Variants in LRRC4C observed in about 807,000 individuals in gnomAD.
LRRC4C encodes the protein leucine-rich repeat-containing protein 4C.
LRRC4C carries 5 observed loss-of-function variants against 33.6 expected under a neutral mutation model. The ratio of observed to expected loss-of-function variants is 0.15; its 90% CI spans 0.08 to 0.31. The LOEUF is 0.31. Ranked by LOEUF, LRRC4C falls within the 10% of genes least tolerant of loss-of-function variation. The pLI is 1.00. For missense variants in LRRC4C, 560 were observed against 796.7 expected (o/e 0.70, Z 3.58); for synonymous variants, 329 against 302.0 (o/e 1.09, Z -0.93).
intron 2 of LRRC4C, among the ~76,000 whole-genome samples, chr11:40,801,580 C>T (rs1951044033): frequency 6.6e-6 from 1 of 152,148 alleles, no homozygotes; most frequent in South Asian, 2.1e-4. Context: ...TGTGCTCAAA[C>T]AACATTTGTT....
At chr11:40,953,640 T>C (rs1452805948) in intron 1 of LRRC4C, among the ~76,000 whole-genome samples, 2 of 151,834 alleles carry the variant, frequency 1.3e-5, no homozygotes, top group African/African-American at 2.4e-5. Flanking sequence ...AATACTTAAA[T>C]GATGTTCATT....
At chr11:40,277,349 A>G (rs1339323383) in intron 4 of LRRC4C, among the ~76,000 whole-genome samples, 1 of 152,110 alleles carries the variant, frequency 6.6e-6, no homozygotes, top group African/African-American at 2.4e-5. Context: ...GTGATGCATA[A>G]AAAGTTTTAC....
chr11:40,251,291 G>T (rs1295727907), intron 4 of LRRC4C, among the ~76,000 whole-genome samples: 1 of 152,058 alleles, frequency 6.6e-6, no homozygotes, highest in Non-Finnish European at 1.5e-5. Context: ...TAAAAAGGAG[G>T]TAATTAAATA....
intron 4 of LRRC4C, among the ~76,000 whole-genome samples, chr11:40,253,848 A>G (rs1173339328): frequency 6.6e-6 from 1 of 152,178 alleles, no homozygotes; most frequent in Non-Finnish European, 1.5e-5. Context: ...GTATTAAATG[A>G]GTTAATAGTT....
At chr11:41,263,593 A>G (rs1949051630) in intron 1 of LRRC4C, among the ~76,000 whole-genome samples, 1 of 152,206 alleles carries the variant, frequency 6.6e-6, no homozygotes. Flanking sequence ...TCATTTGTTT[A>G]TTCACACATT....
intron 3 of LRRC4C, among the ~76,000 whole-genome samples, chr11:40,407,541 C>T (rs1464686674): frequency 1.3e-5 from 2 of 152,058 alleles, no homozygotes; most frequent in African/African-American, 4.8e-5. Flanking sequence ...GATGAGATTT[C>T]CTCATCTTCT....
intron 3 of LRRC4C, among the ~76,000 whole-genome samples, chr11:40,521,918 A>G (rs1955833266): frequency 6.6e-6 from 1 of 152,132 alleles, no homozygotes; most frequent in Non-Finnish European, 1.5e-5. Flanking sequence ...AAATAAGTAA[A>G]CACTGACATG....
At chr11:41,124,182 T>C (rs1370394974) in intron 1 of LRRC4C, among the ~76,000 whole-genome samples, 1 of 152,210 alleles carries the variant, frequency 6.6e-6, no homozygotes, top group Non-Finnish European at 1.5e-5. Context: ...TGAACACATG[T>C]TATTTTACTT....
chr11:40,450,516 A>C (rs1291812257), intron 3 of LRRC4C, among the ~76,000 whole-genome samples: 1 of 152,102 alleles, frequency 6.6e-6, no homozygotes, highest in Non-Finnish European at 1.5e-5. Context: ...TTAGCCTAAA[A>C]TTATTTTTTA....
chr11:40,566,525 A>T (rs899552000), intron 3 of LRRC4C, among the ~76,000 whole-genome samples: 1 of 152,106 alleles, frequency 6.6e-6, no homozygotes, highest in African/African-American at 2.4e-5. Context: ...CAGAACTACA[A>T]GAGATTATTT....
chr11:40,942,166 T>G (rs941468604), intron 1 of LRRC4C, among the ~76,000 whole-genome samples: 2 of 152,096 alleles, frequency 1.3e-5, no homozygotes, highest in Non-Finnish European at 2.9e-5. Context: ...ATCCTTGAGA[T>G]GAAGTTGCAC....
chr11:41,167,785 A>G (rs1008024410), intron 1 of LRRC4C, among the ~76,000 whole-genome samples: 1 of 152,172 alleles, frequency 6.6e-6, no homozygotes, highest in African/African-American at 2.4e-5. Flanking sequence ...CCCAGTCATG[A>G]TGCTCTCCTG....
intron 2 of LRRC4C, among the ~76,000 whole-genome samples, chr11:40,929,332 C>T (rs2136445577): frequency 6.6e-6 from 1 of 152,248 alleles, no homozygotes; most frequent in South Asian, 2.1e-4. Flanking sequence ...AAAAGACCAG[C>T]CCTCACCACT....
At chr11:40,422,501 G>A (rs1220312263) in intron 3 of LRRC4C, among the ~76,000 whole-genome samples, 1 of 151,962 alleles carries the variant, frequency 6.6e-6, no homozygotes, top group East Asian at 1.9e-4. Flanking sequence ...CATGTTCAAC[G>A]TTGATTTCTT....
At chr11:40,669,266 T>C (rs915498074) in intron 2 of LRRC4C, among the ~76,000 whole-genome samples, 1 of 152,178 alleles carries the variant, frequency 6.6e-6, no homozygotes, top group African/African-American at 2.4e-5. Flanking sequence ...AGGCAGCCTG[T>C]AAGAAACACA....
rs184830180 is a variant in LRRC4C at position 40,844,852 on chromosome 11, C to A, written c.-407+88783G>T. ...AGAGAGAAGATTTTAAGTGTTCTTA[C>A]CACACACAAAAAATGATAAGGATAT... is the stretch of plus-strand genomic sequence containing the variant. On this transcript the variant is annotated intron_variant, in intron 2 of 6. Transcript: ENST00000528697. 4.2e-3 allele frequency among the ~76,000 whole-genome samples: 644 copies of A among 152,182 alleles called. 3 individuals carry two copies. Among genetic ancestry groups the A allele is most frequent in the African/African-American group, 0.014 (593 of 41,538 alleles).
chr11:40,615,596 G>C (rs1412790604), intron 3 of LRRC4C, among the ~76,000 whole-genome samples: 1 of 151,596 alleles, frequency 6.6e-6, no homozygotes, highest in Admixed American at 6.6e-5. Context: ...GCTGAGTGAA[G>C]TGTTCTCACA....
At chr11:40,321,566 T>G (rs1045946770) in intron 3 of LRRC4C, among the ~76,000 whole-genome samples, 5 of 152,174 alleles carry the variant, frequency 3.3e-5, no homozygotes, top group African/African-American at 9.7e-5. Flanking sequence ...CAGAAAGAGA[T>G]AAATGGCAGA....
At chr11:41,080,607 C>T (rs769752984) in intron 1 of LRRC4C, among the ~76,000 whole-genome samples, 1 of 152,144 alleles carries the variant, frequency 6.6e-6, no homozygotes, top group African/African-American at 2.4e-5. Context: ...CCAGCCTCAG[C>T]CTCCCAAAGT....
Sources: gnomAD v4.1 joint callset for allele counts (sites outside exome capture counted in the v4.1 genomes callset) on GRCh38, gnomAD v4.1.1 for gene constraint, MANE v1.5 for transcripts, NCBI Gene and HGNC (gene_info 2026-07-23, HGNC 2026-07-21) for gene names.